Variants in MYO18B observed in about 807,000 individuals in gnomAD.
MYO18B encodes myosin XVIIIB.
In MYO18B, 204 loss-of-function variants were observed where a neutral mutation model predicts 273.0. That is an observed-to-expected ratio of 0.75 (90% CI 0.67 to 0.84). The LOEUF is 0.84. Among genes scored for constraint, MYO18B ranks in the 40% least tolerant of loss-of-function variants. The pLI, the probability that MYO18B is intolerant of heterozygous loss-of-function variation, is 0.00. For synonymous variants in MYO18B, 1,330 were observed against 1,305.7 expected, an observed-to-expected ratio of 1.02 and a Z score of -0.40; for missense variants, 3,212 against 3,287.6, an observed-to-expected ratio of 0.98 and a Z score of 0.56.
At chr22:25,842,667 C>T (rs889144727) in intron 17 of MYO18B, among the ~76,000 whole-genome samples, 8 of 130,548 alleles carry the variant, frequency 6.1e-5, no homozygotes, top group East Asian at 2.3e-4. Context: ...AGTGAAACTC[C>T]GTCTCAAAAA....
rs116443583 is a variant in MYO18B, at chr22:25,821,379, T to C, written c.2522-2126T>C. ...CCTACTGGAGTGAGACGATACTTCA[T>C]TGTGGTTTTGATTTGCATTTCCCTG... is the stretch of plus-strand genomic sequence containing the variant. On this transcript the variant is annotated intron_variant, in intron 12 of 43. Transcript: ENST00000335473. Among the ~76,000 whole-genome samples the C allele has an allele frequency of 5.2e-3, 784 of 152,118 alleles. 8 individuals carry two copies. Among genetic ancestry groups the C allele is most frequent in the African/African-American group, 0.018 (757 of 41,482 alleles).
chr22:25,902,585 G>A, intron 29 of MYO18B, 28 bp from the exon 30 acceptor site: 2 of 1,598,198 alleles, frequency 1.3e-6, no homozygotes, highest in Non-Finnish European at 1.7e-6. Context: ...TGCCTACGGG[G>A]CCCTGACACG....
intron 39 of MYO18B, among the ~76,000 whole-genome samples, chr22:25,977,716 G>A (rs2093107087): frequency 6.6e-6 from 1 of 152,194 alleles, no homozygotes; most frequent in Non-Finnish European, 1.5e-5. Context: ...TGCACAAGCT[G>A]TCACTCAATA....
intron 39 of MYO18B, 50 bp from the exon 40 acceptor site, chr22:25,992,313 G>T: frequency 1.2e-6 from 2 of 1,606,162 alleles, no homozygotes; most frequent in South Asian, 2.2e-5. Flanking sequence ...ATGCATGGGT[G>T]GTGCATTTCT....
intron 1 of MYO18B, among the ~76,000 whole-genome samples, chr22:25,759,151 A>G (rs1375197699): frequency 6.6e-6 from 1 of 152,224 alleles, no homozygotes; most frequent in Admixed American, 6.5e-5. Context: ...ATGTTATGAC[A>G]TACAAATAAT....
chr22:25,836,365 C>T (rs1001963927), intron 17 of MYO18B, among the ~76,000 whole-genome samples: 2 of 152,108 alleles, frequency 1.3e-5, no homozygotes, highest in Non-Finnish European at 2.9e-5. Flanking sequence ...AGAGCTTTGT[C>T]ACCGGGGTCA....
At position 25,828,735 on chromosome 22, in the gene MYO18B, C is replaced by T. The variant is rs770250276; in HGVS notation, c.2787-41C>T. The T allele has an allele frequency of 5.1e-6, 8 of 1,579,412 alleles. No individual in the cohort carries two copies. In the African/African-American group the frequency reaches 1.1e-4, roughly 21 times the overall value. On this transcript the variant is annotated intron_variant, in intron 14 of 43. Transcript: ENST00000335473. ...CTTGGATCAGTGTGCTCCTAGATTCCATGCCATCTCAGACATTCCACCTCT... is the reference window on the plus strand; with the variant it reads ...CTTGGATCAGTGTGCTCCTAGATTCTATGCCATCTCAGACATTCCACCTCT...
intron 28 of MYO18B, chr22:25,897,404 C>G (rs1256553943): frequency 6.6e-6 from 1 of 152,200 alleles, no homozygotes; most frequent in Non-Finnish European, 1.5e-5. Context: ...TGGTCGCTTT[C>G]AAGGTGAACA....
intron 42 of MYO18B, among the ~76,000 whole-genome samples, chr22:26,025,739 G>A (rs1346318146): frequency 6.6e-6 from 1 of 151,996 alleles, no homozygotes; most frequent in Non-Finnish European, 1.5e-5. Context: ...TTATTTTACA[G>A]TCTATAATTT....
Position 25,921,275 on chromosome 22 carries a change from G to C in MYO18B, c.5383G>C (p.Asp1795His). ...CTTTCAGATTGGCCATCGGGACTTTGATGTGGAGAAGCGACTTCGGAGAGA... is the reference window on the plus strand; with the variant it reads ...CTTTCAGATTGGCCATCGGGACTTTCATGTGGAGAAGCGACTTCGGAGAGA... ...LCDQIGHRDF[D>H]VEKRLRRDLR... Residue 1795 changes from aspartate (D) to histidine (H), a missense_variant, in exon 34 of 44, where the codon GAT (aspartate) becomes CAT (histidine). Asp to His is a moderately conservative substitution (Grantham distance 81). Transcript: ENST00000335473. 1 of 1,552,632 alleles carries C rather than the reference G, an allele frequency of 6.4e-7. No homozygotes were observed. The highest frequency in any genetic ancestry group is 8.7e-7 in the Non-Finnish European group (1 of 1,147,246).
At chr22:26,052,160 G>A in the MYO18B span, among the ~76,000 whole-genome samples, 1 of 152,186 alleles carries the variant, frequency 6.6e-6, no homozygotes, top group South Asian at 2.1e-4. Context: ...TGGAAATTGG[G>A]TGTGGTTTTT....
At chr22:25,871,130 C>G (rs1207175956) in intron 22 of MYO18B, among the ~76,000 whole-genome samples, 4 of 152,124 alleles carry the variant, frequency 2.6e-5, no homozygotes, top group African/African-American at 9.7e-5. Flanking sequence ...GCAGGATTGG[C>G]ATGTAATAAT....
chr22:25,916,460 AATAC>A (rs2092262059), intron 33 of MYO18B, among the ~76,000 whole-genome samples: 1 of 151,946 alleles, frequency 6.6e-6, no homozygotes, highest in African/African-American at 2.4e-5. Context: ...TCTTTAAGAT[AATAC>A]ATTTAAGATA....
At chr22:25,806,711 A>G (rs1024762161) in intron 12 of MYO18B, among the ~76,000 whole-genome samples, 2 of 152,224 alleles carry the variant, frequency 1.3e-5, no homozygotes, top group African/African-American at 4.8e-5. Context: ...GGCCTGTGGA[A>G]CCATTAGCTG....
chr22:25,868,445 T>G, intron 22 of MYO18B, 60 bp downstream of exon 22: 1 of 1,389,504 alleles, frequency 7.2e-7, no homozygotes, highest in Non-Finnish European at 1.0e-6. Context: ...AGAGATGACC[T>G]GATTCTTGTC....
chr22:25,798,086 G>C lies in MYO18B; in HGVS notation c.2510G>C (p.Gly837Ala). ...LAAIYHLGAA[G>A]ACKVGRKQFM... ...GCCATCTACCACCTGGGTGCGGCGG[G>C]GGCCTGCAAAGGTACGTCCTTCCTG... The change falls in exon 12 of 44, where the codon GGG becomes GCG. Residue 837 changes from glycine (G) to alanine (A), a missense_variant. Coordinates refer to ENST00000335473, the MANE Select transcript of MYO18B (RefSeq NM_032608.7). 6.2e-7 allele frequency: 1 copy of C among 1,607,628 alleles called. No homozygotes were observed. The highest frequency in any genetic ancestry group is 8.5e-7 in the Non-Finnish European group (1 of 1,174,934).
chr22:25,866,364 C>A (rs1370772117), intron 21 of MYO18B, among the ~76,000 whole-genome samples: 1 of 152,128 alleles, frequency 6.6e-6, no homozygotes, highest in Non-Finnish European at 1.5e-5. Flanking sequence ...TCAAAGCCTG[C>A]ACCACTATTT....
At chr22:25,963,657 T>C (rs1198692235) in intron 39 of MYO18B, among the ~76,000 whole-genome samples, 2 of 151,170 alleles carry the variant, frequency 1.3e-5, no homozygotes, top group Non-Finnish European at 2.9e-5. Flanking sequence ...TTTAACCCAC[T>C]ATACGGTGGT....
chr22:25,817,445 C>T (rs1210621792), intron 12 of MYO18B, among the ~76,000 whole-genome samples: 2 of 137,580 alleles, frequency 1.5e-5, no homozygotes, highest in African/African-American at 5.3e-5. Flanking sequence ...TTCCCTTTCT[C>T]TTTCCCCTTC....
Sources: allele counts gnomAD v4.1 joint callset (sites outside exome capture counted in the v4.1 genomes callset), GRCh38; gene constraint gnomAD v4.1.1; transcripts MANE v1.5; gene names NCBI Gene and HGNC (gene_info 2026-07-23, HGNC 2026-07-21).